The following CACNA1D variants were observed in gnomAD, a reference collection of about 807,000 sequenced individuals.
CACNA1D encodes voltage-dependent L-type calcium channel subunit alpha-1D.
A neutral mutation model predicts 257.1 loss-of-function variants in CACNA1D; 55 were observed. The ratio of observed to expected loss-of-function variants is 0.21; its 90% confidence interval spans 0.17 to 0.27. The LOEUF (loss-of-function observed/expected upper bound fraction) is 0.27, where lower values mean the gene tolerates loss of function less well. Among genes scored for constraint, CACNA1D ranks in the 10% least tolerant of loss-of-function variants. CACNA1D has a pLI of 1.00. For synonymous variants in CACNA1D, 980 were observed against 1,014.9 expected (o/e 0.97, Z 0.65); for missense variants, 1,876 against 2,784.0 (o/e 0.67, Z 7.34).
intron 3 of CACNA1D, among the ~76,000 whole-genome samples, chr3:53,579,533 A>C (rs889789690): frequency 1.3e-5 from 2 of 152,202 alleles, no homozygotes; most frequent in African/African-American, 4.8e-5. Context: ...TTTGTCTCTT[A>C]CAAAGATTTG....
chr3:53,713,494 C>CTGTGTGTG (rs1292006074), intron 9 of CACNA1D, among the ~76,000 whole-genome samples: 2 of 110,656 alleles, frequency 1.8e-5, no homozygotes, highest in African/African-American at 4.5e-5. Flanking sequence ...CTCATTTGCT[C>CTGTGTGTG]TGTGTGTATG....
chr3:53,638,101 T>C (rs945057318), intron 3 of CACNA1D, among the ~76,000 whole-genome samples: 2 of 152,260 alleles, frequency 1.3e-5, no homozygotes, highest in African/African-American at 2.4e-5. Context: ...GTAGTTTCTC[T>C]GATGAGATGA....
intron 3 of CACNA1D, among the ~76,000 whole-genome samples, chr3:53,563,202 T>A (rs2092771222): frequency 6.6e-6 from 1 of 152,006 alleles, no homozygotes; most frequent in Non-Finnish European, 1.5e-5. Context: ...TCTGTCCCCC[T>A]CCCACAGGGA....
chr3:53,740,239 T>C (rs769830574), intron 20 of CACNA1D, 41 bp from the exon 21 acceptor site: 2 of 1,428,836 alleles, frequency 1.4e-6, no homozygotes, highest in Non-Finnish European at 2.0e-6. Context: ...TCAGAGTTTG[T>C]CTGAATTCCT....
At chr3:53,642,362 C>T (rs2093965752) in intron 3 of CACNA1D, among the ~76,000 whole-genome samples, 1 of 152,226 alleles carries the variant, frequency 6.6e-6, no homozygotes, top group South Asian at 2.1e-4. Flanking sequence ...TTGCTCTCTT[C>T]GGACCCGGTT....
intron 3 of CACNA1D, among the ~76,000 whole-genome samples, chr3:53,506,955 C>G (rs369902712): frequency 2.2e-4 from 34 of 151,880 alleles, no homozygotes; most frequent in African/African-American, 8.2e-4. Flanking sequence ...TGCCTGTAGT[C>G]CCAGCTATGT....
In CACNA1D at chr3:53,666,537, T is replaced by C. The variant is rs747136766; in HGVS notation, c.1116+2T>C. The C allele has an allele frequency of 2.5e-6, 4 of 1,610,772 alleles. No individual in the cohort carries two copies. The highest frequency in any genetic ancestry group is 3.4e-6 in the Non-Finnish European group (4 of 1,176,914). On this transcript the variant is annotated splice_donor_variant, in intron 7 of 47. Transcript: ENST00000350061. LOFTEE classifies it high-confidence loss of function. Reference sequence around the variant, plus strand: ...GGCTGGACAGATGTGCTCTACTGGGTAAGTACCCTGGGGAGAGAGTTTATG... The same window carrying C: ...GGCTGGACAGATGTGCTCTACTGGGCAAGTACCCTGGGGAGAGAGTTTATG...
chr3:53,797,981 T>C lies in CACNA1D; in HGVS notation c.4924-2268T>C, dbSNP rs181606678. On this transcript the variant is annotated intron_variant, in intron 40 of 47. Coordinates refer to ENST00000350061, the MANE Select transcript of CACNA1D (RefSeq NM_001128840.3). The stretch of plus-strand genomic sequence containing the variant: ...GTGTCTTAAACCTTGTCTTTTTGTT[T>C]GGGAGCCTTAGATATGTAACCGAGT... The C allele has an allele frequency of 2.6e-5, 4 of 152,316 alleles. No individual in the cohort carries two copies. In the East Asian group the frequency reaches 7.7e-4, roughly 29 times the overall value. The allele number at this position is 152,316 out of a possible 1,614,324, so 9.4% of individuals were successfully genotyped here. A position where few individuals can be genotyped will look rare whatever the true frequency, so the allele number is the denominator to read the frequency against.
At chr3:53,787,069 T>C in intron 40 of CACNA1D, 117 bp downstream of exon 40, 1 of 1,072,908 alleles carries the variant, frequency 9.3e-7, no homozygotes, top group Non-Finnish European at 1.4e-6. Context: ...TTGTTTAAAC[T>C]GAGATACTAC....
chr3:53,618,567 C>A (rs1425949149), intron 3 of CACNA1D, among the ~76,000 whole-genome samples: 4 of 152,182 alleles, frequency 2.6e-5, no homozygotes, highest in Non-Finnish European at 5.9e-5. Flanking sequence ...GCAGCCTCCC[C>A]AAATACAGCC....
chr3:53,650,219 T>C (rs1030542337), intron 3 of CACNA1D, among the ~76,000 whole-genome samples: 1 of 152,218 alleles, frequency 6.6e-6, no homozygotes, highest in Non-Finnish European at 1.5e-5. Flanking sequence ...CAAAAACTTA[T>C]ATCCAGAGGA....
Position 53,673,630 on chromosome 3 carries a change from C to G in CACNA1D, c.1220+504C>G. 2 of 986,900 alleles carry G rather than the reference C, an allele frequency of 2.0e-6. No individual in the cohort carries two copies. Among genetic ancestry groups the G allele is most frequent in the South Asian group, 2.6e-5 (2 of 78,004 alleles). 61.1% of individuals were successfully genotyped at this position (986,900 alleles called of 1,614,324 possible). On this transcript the variant is annotated intron_variant, in intron 8 of 47. Coordinates refer to ENST00000350061, the MANE Select transcript of CACNA1D (RefSeq NM_001128840.3). The surrounding 1 kb of genome is among the most constrained non-coding windows in gnomAD (Gnocchi z 4.1). The stretch of plus-strand genomic sequence containing the variant: ...CTAGGAGCACTAACCTTCAGCAAAG[C>G]ACTGAGAGGTTTGGCAGCTGCAACT...
intron 3 of CACNA1D, among the ~76,000 whole-genome samples, chr3:53,580,740 A>G (rs992146789): frequency 6.6e-5 from 10 of 152,242 alleles, no homozygotes; most frequent in African/African-American, 2.4e-4. Context: ...TGTTGAATGA[A>G]TAAACAAATG....
chr3:53,508,558 TAA>T (rs2090962869), intron 3 of CACNA1D, among the ~76,000 whole-genome samples: 1 of 152,254 alleles, frequency 6.6e-6, no homozygotes, highest in South Asian at 2.1e-4. Flanking sequence ...CTCCCGCTTA[TAA>T]GTGAGAGCAA....
Position 53,751,702 on chromosome 3 carries a change from C to T in CACNA1D, c.3517-47C>T, listed in dbSNP as rs770623791. On this transcript the variant is annotated intron_variant, in intron 27 of 47. Transcript: ENST00000350061. The surrounding 1 kb of genome is among the most constrained non-coding windows in gnomAD (Gnocchi z 4.3). ...GCAGATGACCACGGGGTCCTCCTTC[C>T]CTGCAAGTGCTCAGAACCCCGTTTC... 1.2e-6 allele frequency: 2 copies of T among 1,608,286 alleles called. No individual in the cohort carries two copies. The highest frequency in any genetic ancestry group is 2.7e-5 in the African/African-American group (2 of 74,810).
chr3:53,730,324 A>G (rs1411094423), intron 15 of CACNA1D, 118 bp from the exon 16 acceptor site: 1 of 734,498 alleles, frequency 1.4e-6, no homozygotes, highest in African/African-American at 1.7e-5. Flanking sequence ...TGAGTATAAC[A>G]CTTGGGACGG....
intron 8 of CACNA1D, among the ~76,000 whole-genome samples, chr3:53,689,861 T>C (rs2094504320): frequency 6.6e-6 from 1 of 152,152 alleles, no homozygotes; most frequent in South Asian, 2.1e-4. Context: ...AGGATCTCTC[T>C]ATGTTGCCTG....
At chr3:53,753,481 ACAGGGGCACAGAG>A in intron 28 of CACNA1D, 78 bp from the exon 29 acceptor site, 1 of 887,114 alleles carries the variant, frequency 1.1e-6, no homozygotes, top group Non-Finnish European at 1.9e-6. Context: ...GAGGATGCCC[ACAGGGGCACAGAG>A]GGCTGGGAGC....
At chr3:53,638,878 G>T (rs1382675450) in intron 3 of CACNA1D, among the ~76,000 whole-genome samples, 1 of 152,196 alleles carries the variant, frequency 6.6e-6, no homozygotes, top group Non-Finnish European at 1.5e-5. Flanking sequence ...CTGAGTGTTG[G>T]TTGGATAACT....
Sources: allele counts gnomAD v4.1 joint callset (sites outside exome capture counted in the v4.1 genomes callset), GRCh38; gene constraint gnomAD v4.1.1; non-coding constraint Gnocchi (gnomAD v3.1); transcripts MANE v1.5; gene names NCBI Gene and HGNC (gene_info 2026-07-23, HGNC 2026-07-21).